ANKRD12: variants seen among roughly 807,000 people sequenced by gnomAD.
ANKRD12 encodes the protein ankyrin repeat domain 12, also known as ankyrin repeat domain-containing protein 12.
Under a neutral mutation model 183.4 loss-of-function variants are expected in ANKRD12, and 85 were observed. The ratio of observed to expected loss-of-function variants is 0.46; its 90% CI spans 0.39 to 0.56. ANKRD12 has a LOEUF of 0.56. ANKRD12 is among the 20% of genes least tolerant of loss of function. The pLI is 0.00. For missense variants in ANKRD12, 2,405 were observed against 2,357.1 expected (o/e 1.02, Z -0.42); for synonymous variants, 914 against 800.2 (o/e 1.14, Z -2.40).
chr18:9,257,522 T>G lies in ANKRD12; in HGVS notation c.4255T>G (p.Trp1419Gly). Residue 1419 changes from tryptophan (W) to glycine (G), a missense_variant, in exon 9 of 13, where the codon TGG becomes GGG. Trp to Gly is a radical substitution (Grantham distance 184). Around this residue, in one of 7 missense-constraint regions of ANKRD12, gnomAD observed 1,983 missense variants for 1,725.9 expected, o/e 1.15. Transcript: ENST00000262126. Reference protein sequence around the residue: ...SQVGVIQNKSWEMPVDRLETL... With the variant: ...SQVGVIQNKSGEMPVDRLETL... The stretch of plus-strand genomic sequence containing the variant: ...GGTTGGTGTGATCCAGAATAAATCA[T>G]GGGAGATGCCTGTTGATAGACTAGA... 3 of 1,614,124 alleles carry G rather than the reference T, an allele frequency of 1.9e-6. No homozygotes were observed. The highest frequency in any genetic ancestry group is 1.7e-6 in the Non-Finnish European group (2 of 1,180,000).
At position 9,258,535 on chromosome 18, in the gene ANKRD12, A is replaced by G. The variant is rs148106073; in HGVS notation, c.5268A>G (p.Leu1756=). 1.0e-4 allele frequency: 166 copies of G among 1,613,776 alleles called. No individual in the cohort carries two copies. In the African/African-American group the frequency reaches 2.0e-3, roughly 19 times the overall value. The change falls in exon 9 of 13, where the codon CTA becomes CTG. Residue 1756 remains leucine (L), a synonymous_variant. Transcript: ENST00000262126. ...AACAGATTCTTGCTAGCTGTACACT[A>G]TTATCAGAAAAAGACAGTGAATCCT... ...QSKQILASCT[L]LSEKDSESSS...
chr18:9,141,419 G>A (rs2078311347), intron 1 of ANKRD12, among the ~76,000 whole-genome samples: 1 of 152,096 alleles, frequency 6.6e-6, no homozygotes, highest in Non-Finnish European at 1.5e-5. Context: ...TTTTCATAAG[G>A]GAATAGAGCC....
At chr18:9,241,219 A>G (rs2144998896) in intron 8 of ANKRD12, among the ~76,000 whole-genome samples, 1 of 152,264 alleles carries the variant, frequency 6.6e-6, no homozygotes, top group Middle Eastern at 3.4e-3. Flanking sequence ...GTATGTCCAA[A>G]TATATATATC....
Position 9,167,952 on chromosome 18 carries a change from CT to C in ANKRD12, c.-51-14426del, listed in dbSNP as rs1332543482. On this transcript the variant is annotated intron_variant, in intron 1 of 12. Transcript: ENST00000262126. ...AGGGTTGTTGAATTTTGTCAAAGGC[CT>C]TTTCTGCCTCTATTGAGATAATCAT... is the stretch of plus-strand genomic sequence containing the variant. Among the ~76,000 whole-genome samples the C allele has an allele frequency of 2.0e-5, 3 of 152,088 alleles. No individual in the cohort carries two copies. The East Asian group carries it at 5.8e-4, about 29-fold the overall frequency.
chr18:9,191,836 C>T (rs2034474677), intron 2 of ANKRD12, among the ~76,000 whole-genome samples: 1 of 152,124 alleles, frequency 6.6e-6, no homozygotes, highest in Non-Finnish European at 1.5e-5. Context: ...GGGCCACTGG[C>T]CATCTGTCCT....
At chr18:9,138,376 G>C (rs2078198770) in intron 1 of ANKRD12, among the ~76,000 whole-genome samples, 1 of 152,136 alleles carries the variant, frequency 6.6e-6, no homozygotes, top group Non-Finnish European at 1.5e-5. Flanking sequence ...AGCCAGGCGT[G>C]GTGGCGCATG....
At chr18:9,232,266 T>C (rs1454033528) in intron 8 of ANKRD12, among the ~76,000 whole-genome samples, 1 of 152,240 alleles carries the variant, frequency 6.6e-6, no homozygotes, top group Non-Finnish European at 1.5e-5. Flanking sequence ...GTTCTTTCAC[T>C]GCCAGGTTTA....
chr18:9,272,775 CTT>C (rs1463243118), intron 10 of ANKRD12, among the ~76,000 whole-genome samples: 1 of 152,142 alleles, frequency 6.6e-6, no homozygotes, highest in Admixed American at 6.5e-5. Flanking sequence ...AGGCCTACCT[CTT>C]TGAATATCGT....
intron 8 of ANKRD12, 58 bp from the exon 9 acceptor site, chr18:9,254,149 ATTAT>A: frequency 2.8e-6 from 4 of 1,438,842 alleles, no homozygotes; most frequent in Non-Finnish European, 1.8e-6. Context: ...AGAAAAAAAA[ATTAT>A]TTTTCTGGCA....
At chr18:9,253,484 TC>T (rs1261871991) in intron 8 of ANKRD12, among the ~76,000 whole-genome samples, 1 of 152,206 alleles carries the variant, frequency 6.6e-6, no homozygotes, top group Non-Finnish European at 1.5e-5. Context: ...GTCCTCCAGT[TC>T]CATCCATGTT....
intron 2 of ANKRD12, among the ~76,000 whole-genome samples, chr18:9,183,870 CTTTT>C (rs529066110): frequency 1.3e-5 from 2 of 151,914 alleles, no homozygotes; most frequent in African/African-American, 2.4e-5. Flanking sequence ...TATTTCATGT[CTTTT>C]TTGTTACCTC....
intron 8 of ANKRD12, among the ~76,000 whole-genome samples, chr18:9,229,928 CT>C (rs1256238625): frequency 3.3e-5 from 5 of 151,998 alleles, no homozygotes; most frequent in Admixed American, 6.5e-5. Flanking sequence ...CTATAGTTTT[CT>C]TTTTTTGTTG....
rs766011159 is a variant in ANKRD12 at position 9,244,534 on chromosome 18, A to G, written c.944-9677A>G. Among the ~76,000 whole-genome samples, 88 of 152,310 alleles carry G rather than the reference A, an allele frequency of 5.8e-4. 1 individual carries two copies. The Middle Eastern group carries it at 0.01, about 18-fold the overall frequency. ...AAATCCAGAATGACAGCAACAAGCA[A>G]TTGACATACTTTAGAACAAAATTTC... On this transcript the variant is annotated intron_variant, in intron 8 of 12. Transcript: ENST00000262126.
chr18:9,190,161 TCAAGA>T, intron 2 of ANKRD12, among the ~76,000 whole-genome samples: 1 of 152,148 alleles, frequency 6.6e-6, no homozygotes, highest in South Asian at 2.1e-4. Context: ...ACTGAGAGGG[TCAAGA>T]CTTTAGTGGA....
At chr18:9,176,569 G>GT (rs2033287624) in intron 1 of ANKRD12, among the ~76,000 whole-genome samples, 1 of 151,980 alleles carries the variant, frequency 6.6e-6, no homozygotes, top group Non-Finnish European at 1.5e-5. Context: ...GGGATTACCA[G>GT]TGTGAACCTC....
chr18:9,275,845 C>T (rs1443134396), intron 11 of ANKRD12, among the ~76,000 whole-genome samples, 178 bp downstream of exon 11: 3 of 152,192 alleles, frequency 2.0e-5, no homozygotes, highest in Admixed American at 2.0e-4. Flanking sequence ...TTTTCTAAAG[C>T]ACTGTAAACA....
At chr18:9,161,752 G>GTATA (rs10647806) in intron 1 of ANKRD12, among the ~76,000 whole-genome samples, 42 of 150,900 alleles carry the variant, frequency 2.8e-4, no homozygotes, top group African/African-American at 9.8e-4. Flanking sequence ...GTGTGTGTGT[G>GTATA]TATATATATA....
intron 1 of ANKRD12, among the ~76,000 whole-genome samples, chr18:9,178,009 A>G (rs1049418313): frequency 3.3e-5 from 5 of 152,264 alleles, no homozygotes; most frequent in Admixed American, 2.6e-4. Flanking sequence ...TTAGAATTAT[A>G]TAATCTGGAT....
intron 2 of ANKRD12, among the ~76,000 whole-genome samples, chr18:9,182,823 C>T (rs1358597193): frequency 6.6e-6 from 1 of 152,050 alleles, no homozygotes; most frequent in Non-Finnish European, 1.5e-5. Flanking sequence ...CTTTTTATAT[C>T]TATCCTTTTT....
Sources: allele counts gnomAD v4.1 joint callset (sites outside exome capture counted in the v4.1 genomes callset), GRCh38; gene constraint gnomAD v4.1.1; regional missense constraint gnomAD v4.1.1; transcripts MANE v1.5; gene names NCBI Gene and HGNC (gene_info 2026-07-23, HGNC 2026-07-21).